The following GRIK1 variants were observed in gnomAD, a reference collection of about 807,000 sequenced individuals.
GRIK1 encodes glutamate receptor ionotropic, kainate 1.
In GRIK1, 69 loss-of-function variants were observed where a neutral mutation model predicts 105.7. The observed-to-expected ratio is 0.65, with a 90% CI of 0.54 to 0.80. GRIK1 has a LOEUF of 0.80. Among genes scored for constraint, GRIK1 ranks in the 30% least tolerant of loss-of-function variants. The pLI is 0.00. For missense variants in GRIK1, 1,109 were observed against 1,167.3 expected (o/e 0.95, Z 0.73); for synonymous variants, 438 against 431.3 (o/e 1.02, Z -0.19).
chr21:29,548,466 G>A (rs2090080304), intron 16 of GRIK1, among the ~76,000 whole-genome samples: 1 of 152,192 alleles, frequency 6.6e-6, no homozygotes, highest in Non-Finnish European at 1.5e-5. Context: ...CTAAAGGCAA[G>A]TTAAAACTGC....
chr21:29,917,438 C>A (rs2071035790), intron 1 of GRIK1, among the ~76,000 whole-genome samples: 1 of 152,088 alleles, frequency 6.6e-6, no homozygotes, highest in African/African-American at 2.4e-5. Context: ...TTAAACATAA[C>A]AATTTATGCT....
chr21:29,870,217 A>G (rs1397981037), intron 1 of GRIK1, among the ~76,000 whole-genome samples: 1 of 152,128 alleles, frequency 6.6e-6, no homozygotes, highest in Non-Finnish European at 1.5e-5. Context: ...TGTTGTGTAC[A>G]TATCCATTCC....
chr21:29,831,157 G>A (rs2067625376), intron 1 of GRIK1, among the ~76,000 whole-genome samples: 1 of 152,182 alleles, frequency 6.6e-6, no homozygotes, highest in Non-Finnish European at 1.5e-5. Flanking sequence ...ACATAATAGA[G>A]CTAGAGACAA....
At chr21:29,743,226 A>G (rs1485555870) in intron 1 of GRIK1, among the ~76,000 whole-genome samples, 1 of 152,164 alleles carries the variant, frequency 6.6e-6, no homozygotes, top group East Asian at 1.9e-4. Flanking sequence ...TGAAGGGCAT[A>G]TGGGTGTTTA....
At chr21:29,572,442 C>G (rs373651724) in intron 14 of GRIK1, among the ~76,000 whole-genome samples, 34 of 152,226 alleles carry the variant, frequency 2.2e-4, no homozygotes, top group African/African-American at 8.2e-4. Flanking sequence ...CGGCTTCCTT[C>G]CTTTGCTCCT....
At chr21:29,628,649 A>T (rs2077011427) in intron 7 of GRIK1, among the ~76,000 whole-genome samples, 1 of 152,220 alleles carries the variant, frequency 6.6e-6, no homozygotes, top group East Asian at 1.9e-4. Flanking sequence ...TGGCTTCTGT[A>T]CATGCAAATC....
chr21:29,560,437 C>CTTTCTTTCTTT, intron 15 of GRIK1, among the ~76,000 whole-genome samples: 1 of 112,356 alleles, frequency 8.9e-6, no homozygotes, highest in Non-Finnish European at 1.8e-5. Flanking sequence ...TTCTTTCTTT[C>CTTTCTTTCTTT]TTTTTCTTTC....
intron 13 of GRIK1, among the ~76,000 whole-genome samples, 161 bp downstream of exon 13, chr21:29,581,264 T>C (rs1217197655): frequency 6.6e-6 from 1 of 152,162 alleles, no homozygotes; most frequent in African/African-American, 2.4e-5. Context: ...GTCATTGGTT[T>C]TGCTTCATCT....
At chr21:29,674,572 C>A (rs752088672) in intron 3 of GRIK1, among the ~76,000 whole-genome samples, 2 of 151,912 alleles carry the variant, frequency 1.3e-5, no homozygotes, top group African/African-American at 4.8e-5. Context: ...ATCATGAGGG[C>A]GGATATCCCC....
At chr21:29,609,776 G>A (rs2061693795) in intron 7 of GRIK1, among the ~76,000 whole-genome samples, 1 of 152,006 alleles carries the variant, frequency 6.6e-6, no homozygotes, top group Non-Finnish European at 1.5e-5. Flanking sequence ...CTGCTTTTCT[G>A]GGTCTCCAGT....
At chr21:29,671,368 T>C (rs1364969641) in intron 4 of GRIK1, among the ~76,000 whole-genome samples, 1 of 151,480 alleles carries the variant, frequency 6.6e-6, no homozygotes, top group Non-Finnish European at 1.5e-5. Context: ...CAAGTGATCC[T>C]CCCACCTTAA....
chr21:29,755,373 A>G (rs902562907), intron 1 of GRIK1, among the ~76,000 whole-genome samples: 1 of 152,234 alleles, frequency 6.6e-6, no homozygotes, highest in Non-Finnish European at 1.5e-5. Context: ...ATCAACATCA[A>G]CATGGAACAC....
At chr21:29,904,267 A>G (rs879577529) in intron 1 of GRIK1, among the ~76,000 whole-genome samples, 1 of 152,184 alleles carries the variant, frequency 6.6e-6, no homozygotes, top group African/African-American at 2.4e-5. Flanking sequence ...AACTTAAAGT[A>G]TAATAATCAT....
intron 4 of GRIK1, among the ~76,000 whole-genome samples, chr21:29,659,893 C>T (rs1394074532): frequency 3.9e-5 from 6 of 151,918 alleles, no homozygotes; most frequent in African/African-American, 1.2e-4. Flanking sequence ...ACCTGGTAGG[C>T]GGAGATTGTG....
chr21:29,775,185 G>A (rs1018418698), intron 1 of GRIK1, among the ~76,000 whole-genome samples: 17 of 148,528 alleles, frequency 1.1e-4, no homozygotes, highest in African/African-American at 4.0e-4. Flanking sequence ...GCATGCACCT[G>A]TAATCCCAGC....
chr21:29,638,139 C>A (rs758391224), intron 7 of GRIK1, among the ~76,000 whole-genome samples: 2 of 151,350 alleles, frequency 1.3e-5, no homozygotes, highest in Non-Finnish European at 2.9e-5. Context: ...TGACCACTAC[C>A]TTACATGGTA....
At chr21:29,870,475 T>C (rs971550478) in intron 1 of GRIK1, among the ~76,000 whole-genome samples, 1 of 151,632 alleles carries the variant, frequency 6.6e-6, no homozygotes, top group African/African-American at 2.4e-5. Flanking sequence ...TTACACTAAA[T>C]AAAATGTTTT....
At chr21:29,836,893 T>C (rs577367114) in intron 1 of GRIK1, among the ~76,000 whole-genome samples, 6 of 152,298 alleles carry the variant, frequency 3.9e-5, no homozygotes, top group African/African-American at 1.4e-4. Context: ...CTACATTTTG[T>C]CTCTAGGAGC....
At chr21:29,818,819 T>A (rs917885402) in intron 1 of GRIK1, among the ~76,000 whole-genome samples, 1 of 151,672 alleles carries the variant, frequency 6.6e-6, no homozygotes, top group Non-Finnish European at 1.5e-5. Context: ...AGGTCACAGT[T>A]AGGATGAATC....
Sources: gnomAD v4.1 joint callset for allele counts (sites outside exome capture counted in the v4.1 genomes callset) on GRCh38, gnomAD v4.1.1 for gene constraint, MANE v1.5 for transcripts, NCBI Gene and HGNC (gene_info 2026-07-23, HGNC 2026-07-21) for gene names.